Variants in SCN9A observed in about 807,000 individuals in gnomAD.
SCN9A encodes sodium channel protein type 9 subunit alpha.
SCN9A carries 131 observed loss-of-function variants against 187.0 expected under a neutral mutation model. That is an observed-to-expected ratio of 0.70 (90% CI 0.61 to 0.81). The LOEUF is 0.81. Ranked by LOEUF, SCN9A falls within the 30% of genes least tolerant of loss-of-function variation. The pLI is 0.00. For missense variants in SCN9A, 2,252 were observed against 2,396.6 expected, an observed-to-expected ratio of 0.94 and a Z score of 1.26; for synonymous variants, 809 against 808.6, an observed-to-expected ratio of 1.00 and a Z score of -0.01.
At chr2:166,218,870 C>T (rs1694455608) in intron 24 of SCN9A, among the ~76,000 whole-genome samples, 1 of 151,650 alleles carries the variant, frequency 6.6e-6, no homozygotes, top group African/African-American at 2.4e-5. Flanking sequence ...AATGAGTTTA[C>T]AAGAAATAAA....
intron 20 of SCN9A, among the ~76,000 whole-genome samples, 167 bp downstream of exon 20, chr2:166,237,927 A>G (rs1472650305): frequency 1.3e-5 from 2 of 152,232 alleles, no homozygotes; most frequent in Non-Finnish European, 1.5e-5. Context: ...CCTCACAGAT[A>G]TATTTCCACT....
In SCN9A at chr2:166,233,392, G is replaced by A; in HGVS notation, c.3872C>T (p.Thr1291Ile). 2 of 1,581,790 alleles carry A rather than the reference G, an allele frequency of 1.3e-6. No homozygotes were observed. Among genetic ancestry groups the A allele is most frequent in the Non-Finnish European group, 1.7e-6 (2 of 1,167,318 alleles). ...TCTTAGAGGTCTTAAAGCTCTCAGT[G>A]TCCGAAGGGATTTAATGGGGCCAAG... ...SDLGPIKSLR[T>I]LRALRPLRAL... The change falls in exon 21 of 27, where the codon ACA becomes ATA. Residue 1291 changes from threonine (T) to isoleucine (I), a missense_variant. Physicochemically the swap from Thr to Ile is moderately conservative, Grantham distance 89. Around this residue, in one of 7 missense-constraint regions of SCN9A, gnomAD observed 368 missense variants for 408.6 expected, o/e 0.90. Transcript: ENST00000642356.
At chr2:166,238,551 C>G (rs1695421564) in intron 19 of SCN9A, among the ~76,000 whole-genome samples, 1 of 152,134 alleles carries the variant, frequency 6.6e-6, no homozygotes, top group South Asian at 2.1e-4. Context: ...TCATTTCCAC[C>G]TCCATCTGAT....
intron 17 of SCN9A, among the ~76,000 whole-genome samples, chr2:166,266,740 C>T (rs1161627913): frequency 6.6e-6 from 1 of 151,518 alleles, no homozygotes; most frequent in African/African-American, 2.4e-5. Context: ...TTTCTCTCAC[C>T]AATATTTTAT....
At chr2:166,293,755 A>G (rs1244221143) in intron 8 of SCN9A, among the ~76,000 whole-genome samples, 5 of 152,220 alleles carry the variant, frequency 3.3e-5, no homozygotes, top group African/African-American at 1.2e-4. Flanking sequence ...TGGTTCAGTA[A>G]ATATTGATAT....
intron 17 of SCN9A, among the ~76,000 whole-genome samples, chr2:166,261,599 T>C (rs1292022802): frequency 6.6e-6 from 1 of 151,866 alleles, no homozygotes; most frequent in African/African-American, 2.4e-5. Context: ...CTGTGGATGT[T>C]TTAAAATATG....
chr2:166,320,561 T>C (rs1480908298), intron 1 of SCN9A, among the ~76,000 whole-genome samples: 1 of 152,196 alleles, frequency 6.6e-6, no homozygotes, highest in Non-Finnish European at 1.5e-5. Context: ...CTTTCTCTGC[T>C]TAGATGAATA....
At chr2:166,323,615 C>A (rs1274160813) in intron 1 of SCN9A, among the ~76,000 whole-genome samples, 1 of 152,060 alleles carries the variant, frequency 6.6e-6, no homozygotes, top group African/African-American at 2.4e-5. Context: ...GTCTCAGTGG[C>A]CTCTATTACC....
At chr2:166,325,421 T>C (rs1362864152) in intron 1 of SCN9A, among the ~76,000 whole-genome samples, 1 of 152,138 alleles carries the variant, frequency 6.6e-6, no homozygotes, top group Non-Finnish European at 1.5e-5. Context: ...TAATTTTCTA[T>C]AAATGCACTC....
rs7567958 is a variant in SCN9A, at chr2:166,217,990, C to T, written c.4398+8577G>A. Among the ~76,000 whole-genome samples the T allele has an allele frequency of 4.0e-3, 603 of 152,044 alleles. 5 individuals carry two copies. Among genetic ancestry groups the T allele is most frequent in the African/African-American group, 0.014 (578 of 41,488 alleles). On this transcript the variant is annotated intron_variant, in intron 24 of 26. Transcript: ENST00000642356. ...TATTAGGTTGGTGCAAATGTAATTG[C>T]AGTTTTTACCATTACTTTTGCTGCA...
chr2:166,311,330 CTATATATATATATATATATATA>C lies in SCN9A; in HGVS notation c.258+147_258+168del, dbSNP rs10688081. Among the ~76,000 whole-genome samples the C allele has an allele frequency of 1.4e-3, 66 of 46,722 alleles. 7 individuals carry two copies. Among genetic ancestry groups the C allele is most frequent in the East Asian group, 3.7e-3 (3 of 806 alleles). The allele number at this position is 46,722 out of a possible 152,430, so 30.7% of individuals were successfully genotyped here. On this transcript the variant is annotated intron_variant, in intron 2 of 26. Transcript: ENST00000642356. Reference sequence around the variant, plus strand: ...TGAAAAAGTACAGATTCTGAATATCCTATATATATATATATATATATATATATATATATATATATATATATAT... The same window carrying C: ...TGAAAAAGTACAGATTCTGAATATCCTATATATATATATATATATATATAT...
At chr2:166,281,843 A>G in intron 12 of SCN9A, 35 bp from the exon 13 acceptor site, 1 of 1,569,786 alleles carries the variant, frequency 6.4e-7, no homozygotes, top group Non-Finnish European at 8.7e-7. Context: ...TTAAGAACAG[A>G]ATCCTAATAA....
intron 14 of SCN9A, among the ~76,000 whole-genome samples, chr2:166,280,005 G>A (rs1697406705): frequency 6.6e-6 from 1 of 152,112 alleles, no homozygotes; most frequent in African/African-American, 2.4e-5. Flanking sequence ...CTGAAAATAT[G>A]TGAGGTGTGT....
intron 18 of SCN9A, among the ~76,000 whole-genome samples, chr2:166,250,421 C>T (rs916194713): frequency 3.3e-5 from 5 of 152,068 alleles, no homozygotes; most frequent in African/African-American, 7.2e-5. Context: ...CTCTTAGCAT[C>T]GCTGTGATGT....
In SCN9A at chr2:166,288,118, T is replaced by TACACACAC. The variant is rs1319223544; in HGVS notation, c.1314+318_1314+319insGTGTGTGT. On this transcript the variant is annotated intron_variant, in intron 10 of 26. Transcript: ENST00000642356. The stretch of plus-strand genomic sequence containing the variant: ...TTATATATATATATATATATATATA[T>TACACACAC]ATACACACACATTTATATGTATATG... Among the ~76,000 whole-genome samples, 305 of 96,216 alleles carry TACACACAC rather than the reference T, an allele frequency of 3.2e-3. 4 individuals are homozygous for TACACACAC. Among genetic ancestry groups the TACACACAC allele is most frequent in the South Asian group, 0.013 (41 of 3,062 alleles). The allele number at this position is 96,216 out of a possible 152,430, so 63.1% of individuals were successfully genotyped here. A position where few individuals can be genotyped will look rare whatever the true frequency, so the allele number is the denominator to read the frequency against.
chr2:166,279,662 A>G (rs1054857460), intron 14 of SCN9A, among the ~76,000 whole-genome samples: 13 of 152,082 alleles, frequency 8.5e-5, no homozygotes, highest in Non-Finnish European at 1.6e-4. Context: ...TTGTTTCATT[A>G]AGTCTTTGAA....
At position 166,325,739 on chromosome 2, in the gene SCN9A, A is replaced by G. The variant is rs114118902; in HGVS notation, c.-50-13933T>C. Reference sequence around the variant, plus strand: ...TGTGTTACTTTAGGAACTGTGAGGTAACATAGAGATAAAAGAAATGTATTT... The same window carrying G: ...TGTGTTACTTTAGGAACTGTGAGGTGACATAGAGATAAAAGAAATGTATTT... On this transcript the variant is annotated intron_variant, in intron 1 of 26. Transcript: ENST00000642356. 9.4e-3 allele frequency among the ~76,000 whole-genome samples: 1,429 copies of G among 152,248 alleles called. 16 individuals are homozygous for G. The highest frequency in any genetic ancestry group is 0.033 in the South Asian group (159 of 4,820).
At chr2:166,286,117 T>C (rs1436233911) in intron 11 of SCN9A, among the ~76,000 whole-genome samples, 3 of 152,174 alleles carry the variant, frequency 2.0e-5, no homozygotes, top group African/African-American at 4.8e-5. Context: ...AGAGAATATA[T>C]TGACAATTCT....
chr2:166,338,371 A>G (rs1574941121), intron 1 of SCN9A, among the ~76,000 whole-genome samples: 1 of 152,006 alleles, frequency 6.6e-6, no homozygotes, highest in East Asian at 1.9e-4. Context: ...TGCTCTTTAT[A>G]TTAAAATTAT....
Sources: gnomAD v4.1 joint callset for allele counts (sites outside exome capture counted in the v4.1 genomes callset) on GRCh38, gnomAD v4.1.1 for gene constraint, gnomAD v4.1.1 regional missense constraint, MANE v1.5 for transcripts, NCBI Gene and HGNC (gene_info 2026-07-23, HGNC 2026-07-21) for gene names.